The following RBFOX1 variants were observed in gnomAD, a reference collection of about 807,000 sequenced individuals.
RBFOX1 encodes RNA binding protein fox-1 homolog 1.
Under a neutral mutation model 57.7 loss-of-function variants are expected in RBFOX1, and 8 were observed. That is an observed-to-expected ratio of 0.14 (90% CI 0.08 to 0.25). The LOEUF (loss-of-function observed/expected upper bound fraction) is 0.25. Ranked by LOEUF, RBFOX1 falls within the 10% of genes least tolerant of loss-of-function variation. RBFOX1 has a pLI of 1.00. For synonymous variants in RBFOX1, 326 were observed against 222.4 expected (o/e 1.47, Z -4.15); for missense variants, 611 against 548.5 (o/e 1.11, Z -1.14).
At chr16:5,430,093 C>T (rs2067683050) in intron 1 of RBFOX1, among the ~76,000 whole-genome samples, 1 of 152,194 alleles carries the variant, frequency 6.6e-6, no homozygotes, top group Non-Finnish European at 1.5e-5. Context: ...TATTGAGCTC[C>T]TCTGACAAAT....
At chr16:7,020,423 G>C (rs1302051901) in intron 3 of RBFOX1, among the ~76,000 whole-genome samples, 1 of 152,084 alleles carries the variant, frequency 6.6e-6, no homozygotes, top group African/African-American at 2.4e-5. Context: ...GTTTCACCAT[G>C]CTGGTGAGGC....
At chr16:7,563,429 G>A (rs1271429918) in intron 5 of RBFOX1, among the ~76,000 whole-genome samples, 1 of 152,166 alleles carries the variant, frequency 6.6e-6, no homozygotes, top group Admixed American at 6.5e-5. Flanking sequence ...GTCTATAAAT[G>A]TGTCTTGTTG....
At chr16:7,196,536 T>A (rs1400103535) in intron 4 of RBFOX1, among the ~76,000 whole-genome samples, 1 of 152,220 alleles carries the variant, frequency 6.6e-6, no homozygotes, top group Non-Finnish European at 1.5e-5. Context: ...ACCGGCTCTT[T>A]AAATGCACAA....
intron 4 of RBFOX1, among the ~76,000 whole-genome samples, chr16:5,982,403 T>G (rs938398539): frequency 1.3e-5 from 2 of 152,054 alleles, no homozygotes; most frequent in African/African-American, 4.8e-5. Flanking sequence ...GCCTCCCAAG[T>G]AGCTGGGATT....
At chr16:5,262,244 A>G (rs1408011897) in intron 1 of RBFOX1, among the ~76,000 whole-genome samples, 2 of 152,212 alleles carry the variant, frequency 1.3e-5, no homozygotes, top group Non-Finnish European at 2.9e-5. Flanking sequence ...TTATGTATCA[A>G]TTTGACTGGG....
At chr16:6,701,826 T>A (rs1012965517) in intron 3 of RBFOX1, among the ~76,000 whole-genome samples, 2 of 152,106 alleles carry the variant, frequency 1.3e-5, no homozygotes, top group Non-Finnish European at 2.9e-5. Context: ...TGGAGTCCAG[T>A]ATTCTAAGCA....
chr16:6,039,506 C>T (rs932937562), intron 1 of RBFOX1, among the ~76,000 whole-genome samples: 8 of 152,230 alleles, frequency 5.3e-5, no homozygotes, highest in Non-Finnish European at 1.2e-4. Context: ...AGTTTTGAAT[C>T]CTAAAGGCAG....
At chr16:5,348,367 A>G (rs1282775549) in intron 1 of RBFOX1, among the ~76,000 whole-genome samples, 1 of 152,236 alleles carries the variant, frequency 6.6e-6, no homozygotes, top group African/African-American at 2.4e-5. Context: ...AAAATTAACA[A>G]AAACTCACTA....
At chr16:6,873,570 T>C (rs910716930) in intron 3 of RBFOX1, among the ~76,000 whole-genome samples, 2 of 152,160 alleles carry the variant, frequency 1.3e-5, no homozygotes, top group Non-Finnish European at 2.9e-5. Context: ...CTTTGCTGCA[T>C]AAACTATTGA....
At chr16:5,514,320 G>A (rs546434611) in intron 2 of RBFOX1, among the ~76,000 whole-genome samples, 1 of 152,186 alleles carries the variant, frequency 6.6e-6, no homozygotes, top group Non-Finnish European at 1.5e-5. Flanking sequence ...GGACAGACAG[G>A]CTCGTCTGGG....
intron 3 of RBFOX1, among the ~76,000 whole-genome samples, chr16:6,959,930 C>T (rs562378382): frequency 2.0e-5 from 3 of 152,084 alleles, no homozygotes; most frequent in African/African-American, 7.2e-5. Flanking sequence ...GAGCGAAACT[C>T]CATCTCATAA....
intron 2 of RBFOX1, among the ~76,000 whole-genome samples, chr16:6,439,274 G>A (rs898448107): frequency 5.3e-5 from 8 of 152,166 alleles, no homozygotes; most frequent in Admixed American, 1.3e-4. Context: ...AATGGAAACT[G>A]CAGTCAGGAA....
At position 5,767,288 on chromosome 16, in the gene RBFOX1, G is replaced by C. The variant is rs551846750; in HGVS notation, c.319-100015G>C. Among the ~76,000 whole-genome samples, 3 of 152,344 alleles carry C rather than the reference G, an allele frequency of 2.0e-5. No homozygotes were observed. The South Asian group carries it at 6.2e-4, about 32-fold the overall frequency. On this transcript the variant is annotated intron_variant, in intron 3 of 19. Transcript: ENST00000641259. ...TGACTTCAGGGAGATGAGGCGGAGA[G>C]CTGCTCATGGTTGAAGGAAGGAAAC...
chr16:5,306,911 A>G (rs2063952047), intron 1 of RBFOX1, among the ~76,000 whole-genome samples: 1 of 152,210 alleles, frequency 6.6e-6, no homozygotes, highest in Non-Finnish European at 1.5e-5. Flanking sequence ...GTCAAGGAGA[A>G]TCATGTCTAG....
At chr16:5,531,144 A>G (rs2044462279) in intron 2 of RBFOX1, among the ~76,000 whole-genome samples, 1 of 151,694 alleles carries the variant, frequency 6.6e-6, no homozygotes, top group East Asian at 1.9e-4. Context: ...AATAAAATAA[A>G]TAAAATAATC....
intron 1 of RBFOX1, among the ~76,000 whole-genome samples, chr16:6,032,674 T>C (rs1486085964): frequency 1.3e-5 from 2 of 152,104 alleles, no homozygotes; most frequent in Admixed American, 6.5e-5. Context: ...ATTTTTTTTT[T>C]AAAGCAACAT....
intron 3 of RBFOX1, among the ~76,000 whole-genome samples, chr16:6,840,236 G>T (rs573520099): frequency 6.6e-6 from 1 of 152,100 alleles, no homozygotes; most frequent in South Asian, 2.1e-4. Flanking sequence ...TTTCTTTAAA[G>T]CTTTGTCCAT....
intron 1 of RBFOX1, among the ~76,000 whole-genome samples, chr16:5,325,406 A>G (rs2064540746): frequency 6.6e-6 from 1 of 152,216 alleles, no homozygotes; most frequent in African/African-American, 2.4e-5. Context: ...AGTTCAATCC[A>G]GTAAATTTTC....
chr16:5,526,915 C>A (rs2044271771), intron 2 of RBFOX1, among the ~76,000 whole-genome samples: 1 of 152,238 alleles, frequency 6.6e-6, no homozygotes, highest in African/African-American at 2.4e-5. Context: ...TTGCTCGCCT[C>A]TCTAACCCTT....
Sources: allele counts gnomAD v4.1 joint callset (sites outside exome capture counted in the v4.1 genomes callset), GRCh38; gene constraint gnomAD v4.1.1; transcripts MANE v1.5; gene names NCBI Gene and HGNC (gene_info 2026-07-23, HGNC 2026-07-21).